PHF24: variants seen among roughly 807,000 people sequenced by gnomAD.
The protein encoded by PHF24 is Galpha inhibitory interacting protein.
In PHF24, 25 loss-of-function variants were observed where a neutral mutation model predicts 42.6. The observed-to-expected ratio is 0.59, with a 90% CI of 0.43 to 0.82. PHF24 has a LOEUF of 0.82. Among genes scored for constraint, PHF24 ranks in the 40% least tolerant of loss-of-function variants. The probability of loss-of-function intolerance (pLI) is 0.00; values close to 1 mark genes in which losing one functional copy is unlikely to be tolerated. For synonymous variants in PHF24, 185 were observed against 204.8 expected (o/e 0.90, Z 0.83); for missense variants, 470 against 538.1 (o/e 0.87, Z 1.25).
chr9:34,833,905 G>C, the PHF24 span: 2 of 1,543,614 alleles, frequency 1.3e-6, no homozygotes, highest in African/African-American at 2.8e-5. Context: ...CCGGGGCCAG[G>C]GCCCTGGGGA....
At chr9:34,971,922 C>G (rs1422699047) in intron 2 of PHF24, among the ~76,000 whole-genome samples, 1 of 152,176 alleles carries the variant, frequency 6.6e-6, no homozygotes, top group African/African-American at 2.4e-5. Flanking sequence ...TCCCCCTCTT[C>G]CCCGCTGCCA....
chr9:34,962,311 A>T (rs981219362), intron 1 of PHF24, among the ~76,000 whole-genome samples: 7 of 150,518 alleles, frequency 4.7e-5, no homozygotes, highest in Admixed American at 3.3e-4. Context: ...TGGAGTCCCC[A>T]TATAGCTCCA....
the PHF24 span, among the ~76,000 whole-genome samples, chr9:34,923,227 G>A: frequency 6.6e-6 from 1 of 152,170 alleles, no homozygotes; most frequent in South Asian, 2.1e-4. Flanking sequence ...ACTTGATCAT[G>A]ATCTTTTTAA....
At chr9:34,960,867 A>G (rs1193161183) in intron 1 of PHF24, among the ~76,000 whole-genome samples, 4 of 152,238 alleles carry the variant, frequency 2.6e-5, no homozygotes, top group African/African-American at 7.2e-5. Context: ...AGATGTCACC[A>G]GGTGGCCTTA....
chr9:34,773,148 G>A, the PHF24 span, among the ~76,000 whole-genome samples: 3 of 152,082 alleles, frequency 2.0e-5, no homozygotes, highest in Non-Finnish European at 4.4e-5. Context: ...GCGACACCAC[G>A]CCCAGCTAGT....
chr9:34,827,548 G>GCTA, the PHF24 span, among the ~76,000 whole-genome samples: 1 of 10,948 alleles, frequency 9.1e-5, no homozygotes, highest in African/African-American at 2.0e-4. Context: ...AGCAAGTACT[G>GCTA]CCACCTCCTC....
the PHF24 span, among the ~76,000 whole-genome samples, chr9:34,935,448 G>T: frequency 6.6e-6 from 1 of 152,114 alleles, no homozygotes; most frequent in Admixed American, 6.5e-5. Context: ...ACAAAAATTA[G>T]CCGGGCATGG....
the PHF24 span, among the ~76,000 whole-genome samples, chr9:34,916,310 A>T: frequency 6.6e-6 from 1 of 152,208 alleles, no homozygotes; most frequent in East Asian, 1.9e-4. Context: ...CAACTACAGG[A>T]GTCTACTCTT....
At chr9:34,830,172 T>TC in the PHF24 span, among the ~76,000 whole-genome samples, 2 of 152,218 alleles carry the variant, frequency 1.3e-5, no homozygotes, top group Non-Finnish European at 2.9e-5. Context: ...TTCCCCACAT[T>TC]CCATTCTTGT....
the PHF24 span, among the ~76,000 whole-genome samples, chr9:34,690,912 A>G: frequency 6.6e-6 from 1 of 152,172 alleles, no homozygotes; most frequent in Admixed American, 6.5e-5. Context: ...GGGCACAGGG[A>G]CACCCACACT....
At chr9:34,891,075 C>T in the PHF24 span, among the ~76,000 whole-genome samples, 1,079 of 152,282 alleles carry the variant, frequency 7.1e-3, 14 homozygotes, top group African/African-American at 0.025. Context: ...GCAGCCCTGA[C>T]AGAAGGGCCA....
At chr9:34,792,468 C>T in the PHF24 span, among the ~76,000 whole-genome samples, 5 of 152,086 alleles carry the variant, frequency 3.3e-5, no homozygotes, top group African/African-American at 7.2e-5. Flanking sequence ...GTCGGGAGTT[C>T]GAGACCAGCC....
chr9:34,683,210 G>A, the PHF24 span, among the ~76,000 whole-genome samples: 3,194 of 152,204 alleles, frequency 0.021, 114 homozygotes, highest in African/African-American at 0.073. Context: ...ACAGGCATGC[G>A]CCACCATACC....
At chr9:34,884,518 G>C in the PHF24 span, among the ~76,000 whole-genome samples, 2 of 152,150 alleles carry the variant, frequency 1.3e-5, no homozygotes, top group African/African-American at 4.8e-5. Context: ...ATGATAGGAA[G>C]GTTAACTAAA....
the PHF24 span, among the ~76,000 whole-genome samples, chr9:34,791,086 A>T: frequency 2.9e-3 from 445 of 152,346 alleles, 2 homozygotes; most frequent in African/African-American, 9.9e-3. Flanking sequence ...AGGATGTAAC[A>T]TGATCATATT....
chr9:34,966,445 C>T (rs1284159295), intron 1 of PHF24, among the ~76,000 whole-genome samples: 1 of 151,986 alleles, frequency 6.6e-6, no homozygotes, highest in Admixed American at 6.6e-5. Flanking sequence ...AAAATTAGCA[C>T]GACCTGTAGC....
the PHF24 span, chr9:34,832,366 C>T: frequency 3.5e-6 from 3 of 850,580 alleles, no homozygotes; most frequent in East Asian, 8.0e-5. Context: ...TGGGGGTGGC[C>T]TGGGGTTGAG....
At chr9:34,843,552 G>C in the PHF24 span, among the ~76,000 whole-genome samples, 76 of 152,138 alleles carry the variant, frequency 5.0e-4, no homozygotes, top group African/African-American at 1.7e-3. Context: ...AGCTATTTTG[G>C]CTATTATAGG....
chr9:34,709,351 G>T, the PHF24 span: 1 of 1,601,642 alleles, frequency 6.2e-7, no homozygotes, highest in Non-Finnish European at 8.5e-7. Context: ...TCAAGCGCTG[G>T]TGAGGCTGGT....
Sources: allele counts gnomAD v4.1 joint callset (sites outside exome capture counted in the v4.1 genomes callset), GRCh38; gene constraint gnomAD v4.1.1; transcripts MANE v1.5; gene names NCBI Gene and HGNC (gene_info 2026-07-23, HGNC 2026-07-21).